Variants in LMLN observed in about 807,000 individuals in gnomAD.
LMLN encodes leishmanolysin like peptidase, also known as leishmanolysin-like peptidase.
Under a neutral mutation model 92.3 loss-of-function variants are expected in LMLN, and 70 were observed. The observed-to-expected ratio is 0.76, with a 90% CI of 0.63 to 0.92. The LOEUF (loss-of-function observed/expected upper bound fraction) is 0.92, where lower values mean the gene tolerates loss of function less well. Ranked by LOEUF, LMLN falls within the 40% of genes least tolerant of loss-of-function variation. LMLN has a pLI of 0.00. For synonymous variants in LMLN, 308 were observed against 296.2 expected (o/e 1.04, Z -0.41); for missense variants, 691 against 814.6 (o/e 0.85, Z 1.85).
chr3:197,982,069 G>A (rs1192296067), intron 6 of LMLN, among the ~76,000 whole-genome samples: 1 of 152,212 alleles, frequency 6.6e-6, no homozygotes, highest in African/African-American at 2.4e-5. Context: ...GCCTCCCAGA[G>A]TGTTAGGATT....
At chr3:198,036,526 T>C (rs957477348) in intron 15 of LMLN, among the ~76,000 whole-genome samples, 1 of 151,902 alleles carries the variant, frequency 6.6e-6, no homozygotes, top group Non-Finnish European at 1.5e-5. Flanking sequence ...CAGAGAGATG[T>C]GGGCTGGCAA....
chr3:198,027,181 C>T (rs192164458), intron 14 of LMLN, among the ~76,000 whole-genome samples: 8 of 152,240 alleles, frequency 5.3e-5, no homozygotes, highest in Admixed American at 3.9e-4. Flanking sequence ...ATCCACATCC[C>T]GTCCACTTTC....
rs1722016287 is a variant in LMLN at position 197,996,286 on chromosome 3, A to G, written c.1155+4A>G. 6.6e-7 allele frequency: 1 copy of G among 1,520,622 alleles called. No individual in the cohort carries two copies. Among genetic ancestry groups the G allele is most frequent in the Non-Finnish European group, 8.9e-7 (1 of 1,120,862 alleles). The allele number at this position is 1,520,622 out of a possible 1,614,324, so 94.2% of individuals were successfully genotyped here. ...TTGGGAAAAAAGGTTATTAGAGGTC[A>G]GTTTGTTTTTAAATTTTCCTAGACT... On this transcript the variant is annotated splice_donor_region_variant and intron_variant, in intron 10 of 15. Coordinates refer to ENST00000330198, the Ensembl canonical transcript of LMLN.
intron 11 of LMLN, among the ~76,000 whole-genome samples, chr3:198,012,195 G>A (rs1311125470): frequency 6.6e-6 from 1 of 152,132 alleles, no homozygotes; most frequent in Non-Finnish European, 1.5e-5. Flanking sequence ...CTTCCAGGTA[G>A]CTGGGACTAC....
exon 11 of LMLN, chr3:197,999,328 A>G: frequency 2.5e-6 from 4 of 1,609,178 alleles, no homozygotes; most frequent in Non-Finnish European, 3.4e-6. Context: ...CTCTGGCATT[A>G]ATGGAGGACA....
At chr3:197,993,764 C>T (rs1034359035) in intron 9 of LMLN, among the ~76,000 whole-genome samples, 28 of 151,782 alleles carry the variant, frequency 1.8e-4, no homozygotes, top group African/African-American at 6.5e-4. Context: ...CACAAACACA[C>T]CAAAAAAAAG....
intron 1 of LMLN, among the ~76,000 whole-genome samples, chr3:197,968,521 C>T (rs1430722580): frequency 6.6e-6 from 1 of 151,786 alleles, no homozygotes; most frequent in East Asian, 1.9e-4. Context: ...ATGAAATCTT[C>T]ACAATTTATG....
exon 16 of LMLN, chr3:198,041,545 C>G (rs549778426): frequency 6.6e-6 from 1 of 152,154 alleles, no homozygotes; most frequent in Non-Finnish European, 1.5e-5. Flanking sequence ...TATCCGAAAT[C>G]CAAAAAAAAG....
intron 10 of LMLN, among the ~76,000 whole-genome samples, chr3:197,997,099 CCTTTTACTTTT>C (rs1376479329): frequency 1.7e-5 from 2 of 116,740 alleles, no homozygotes. Context: ...CTTTTCCTTT[CCTTTTACTTTT>C]CTTTTTCTTT....
At chr3:198,009,153 G>C (rs1024500168) in intron 11 of LMLN, among the ~76,000 whole-genome samples, 6 of 152,028 alleles carry the variant, frequency 3.9e-5, no homozygotes, top group African/African-American at 1.4e-4. Flanking sequence ...TATCCAGTTT[G>C]TTAATGGTGC....
At chr3:197,995,466 T>TG (rs777904128) in intron 9 of LMLN, among the ~76,000 whole-genome samples, 28 of 152,234 alleles carry the variant, frequency 1.8e-4, no homozygotes, top group Middle Eastern at 6.8e-3. Context: ...ACTGGAGAAC[T>TG]GATGCTAAAA....
chr3:197,976,819 C>T (rs2109859183), intron 5 of LMLN, 104 bp downstream of exon 5: 1 of 512,144 alleles, frequency 2.0e-6, no homozygotes, highest in Non-Finnish European at 3.5e-6. Flanking sequence ...TTAGTAGCTT[C>T]CTTGGTCTAC....
At chr3:198,026,604 C>T (rs534265868) in intron 14 of LMLN, among the ~76,000 whole-genome samples, 9 of 152,296 alleles carry the variant, frequency 5.9e-5, no homozygotes, top group East Asian at 1.9e-4. Context: ...CAGTCCTGGC[C>T]GAATATTTCT....
intron 1 of LMLN, among the ~76,000 whole-genome samples, chr3:197,965,527 C>T (rs550249326): frequency 2.6e-5 from 4 of 152,134 alleles, no homozygotes; most frequent in Non-Finnish European, 5.9e-5. Context: ...AGACATGAGT[C>T]ACTGTACCTG....
intron 1 of LMLN, among the ~76,000 whole-genome samples, chr3:197,960,973 T>C (rs1471331240): frequency 6.6e-6 from 1 of 152,120 alleles, no homozygotes; most frequent in East Asian, 1.9e-4. Flanking sequence ...TGTCGTCACT[T>C]TGTTTGCTTT....
intron 5 of LMLN, among the ~76,000 whole-genome samples, chr3:197,977,296 T>C (rs1721411478): frequency 6.6e-6 from 1 of 152,234 alleles, no homozygotes. Context: ...CGAATCAGTA[T>C]GCAGTTAGCC....
chr3:198,008,090 G>A (rs532458375), intron 11 of LMLN, among the ~76,000 whole-genome samples: 2 of 152,244 alleles, frequency 1.3e-5, no homozygotes, highest in South Asian at 4.1e-4. Context: ...CCCACTTGGT[G>A]ATGGCTTATA....
chr3:197,983,958 T>C, exon 7 of LMLN: 1 of 1,610,652 alleles, frequency 6.2e-7, no homozygotes, highest in South Asian at 1.1e-5. Context: ...TAGCAGGATA[T>C]GCTAACCTGT....
At chr3:197,996,369 T>C in intron 10 of LMLN, 87 bp downstream of exon 10, 7 of 833,056 alleles carry the variant, frequency 8.4e-6, no homozygotes, top group Middle Eastern at 2.6e-4. Context: ...GGTTATAAAC[T>C]GAAAAATGTT....
Sources: allele counts gnomAD v4.1 joint callset (sites outside exome capture counted in the v4.1 genomes callset), GRCh38; gene constraint gnomAD v4.1.1; transcripts MANE v1.5; gene names NCBI Gene and HGNC (gene_info 2026-07-23, HGNC 2026-07-21).